ITGA2B: variants seen among roughly 807,000 people sequenced by gnomAD.
ITGA2B encodes the protein integrin alpha-IIb.
In ITGA2B, 91 loss-of-function variants were observed where a neutral mutation model predicts 142.0. The ratio of observed to expected loss-of-function variants is 0.64; its 90% CI spans 0.54 to 0.76. ITGA2B has a LOEUF of 0.76. Ranked by LOEUF, ITGA2B falls within the 30% of genes least tolerant of loss-of-function variation. The pLI is 0.00. For synonymous variants in ITGA2B, 536 were observed against 567.2 expected, an observed-to-expected ratio of 0.94 and a Z score of 0.78; for missense variants, 1,231 against 1,350.8, an observed-to-expected ratio of 0.91 and a Z score of 1.39.
chr17:44,380,342 T>C (rs575732580), intron 15 of ITGA2B, 41 bp from the exon 16 acceptor site: 12 of 1,614,218 alleles, frequency 7.4e-6, no homozygotes, highest in Middle Eastern at 1.6e-4. Context: ...GGAGCCTTTC[T>C]GAGGTCCCAG....
At chr17:44,389,173 C>T in intron 1 of ITGA2B, 113 bp downstream of exon 1, 1 of 1,218,842 alleles carries the variant, frequency 8.2e-7, no homozygotes, top group Non-Finnish European at 1.2e-6. Context: ...GAATAGGCCC[C>T]ACAAGTCACC....
rs769892750 is a variant in ITGA2B at position 44,376,143 on chromosome 17, C to T, written c.2390G>A (p.Gly797Asp). 3.1e-6 allele frequency: 5 copies of T among 1,614,196 alleles called. No homozygotes were observed. The Admixed American group carries it at 5.0e-5, about 16-fold the overall frequency. ...PASLVVAAEE[G>D]EREQNSLDSW... is the part of the protein sequence containing the mutation. ...GTCCAAGCTGTTCTGCTCCCTCTCA[C>T]CTTCTTCTGCTGCCACCACCAGGGA... Residue 797 changes from glycine (G) to aspartate (D), a missense_variant, in exon 24 of 30, where the codon GGT becomes GAT. Physicochemically the swap from Gly to Asp is moderately conservative, Grantham distance 94. This residue lies in a region of ITGA2B where 908 missense variants were observed against 1,021.1 expected (regional missense o/e 0.89). Transcript: ENST00000262407.
In ITGA2B at chr17:44,380,127, G is replaced by T. The variant is rs143967758; in HGVS notation, c.1627C>A (p.Arg543=). 52 of 1,613,786 alleles carry T rather than the reference G, an allele frequency of 3.2e-5. No individual in the cohort carries two copies. The Admixed American group carries it at 7.8e-4, about 24-fold the overall frequency. ...CGCCGGCCCTGGCGGGGCTTCTGCC[G>T]GTCCAGCTGCAGCTCGGCATTTAGG... ...LSLNAELQLD[R]QKPRQGRRVL... Residue 543 remains arginine (R), a synonymous_variant, in exon 17 of 30, where the codon CGG becomes AGG. Coordinates refer to ENST00000262407, the MANE Select transcript of ITGA2B (RefSeq NM_000419.5).
intron 1 of ITGA2B, among the ~76,000 whole-genome samples, chr17:44,387,261 G>A (rs553680638): frequency 1.3e-5 from 2 of 152,042 alleles, no homozygotes. Flanking sequence ...GGTGGCTCAC[G>A]CCTGTAATCC....
At chr17:44,383,761 G>A in intron 11 of ITGA2B, 57 bp from the exon 12 acceptor site, 2 of 1,549,504 alleles carry the variant, frequency 1.3e-6, no homozygotes, top group Admixed American at 1.9e-5. Context: ...TGGGGCTAGG[G>A]CCAAATCTCC....
chr17:44,381,273 TCTCA>T (rs2048595306), intron 12 of ITGA2B, among the ~76,000 whole-genome samples: 1 of 152,128 alleles, frequency 6.6e-6, no homozygotes, highest in Non-Finnish European at 1.5e-5. Context: ...CAGTGACAAC[TCTCA>T]CTGTCTATTG....
chr17:44,385,324 G>C lies in ITGA2B; in HGVS notation c.586C>G (p.Arg196Gly). The part of the protein sequence containing the change: ...YVENDFSWDK[R>G]YCEAGFSSVV... ...GAGCTGAAGCCCGCTTCACAGTAAC[G>C]CTTGTCCCAGCCTGCAGGAGACAAG... Residue 196 changes from arginine (R) to glycine (G), a missense_variant, in exon 5 of 30, where the codon CGT (arginine) becomes GGT (glycine). This residue lies in a region of ITGA2B where 318 missense variants were observed against 312.2 expected (regional missense o/e 1.02). Coordinates refer to ENST00000262407, the MANE Select transcript of ITGA2B (RefSeq NM_000419.5). 1 of 1,611,556 alleles carries C rather than the reference G, an allele frequency of 6.2e-7. No individual in the cohort carries two copies. Among genetic ancestry groups the C allele is most frequent in the East Asian group, 2.2e-5 (1 of 44,848 alleles).
In ITGA2B at chr17:44,385,329, T is replaced by C; in HGVS notation, c.581A>G (p.Asp194Gly). The C allele has an allele frequency of 6.2e-7, 1 of 1,611,142 alleles. No homozygotes were observed. Among genetic ancestry groups the C allele is most frequent in the Non-Finnish European group, 8.5e-7 (1 of 1,179,812 alleles). Residue 194 changes from aspartate (D) to glycine (G), a missense_variant, in exon 5 of 30, where the codon GAC (aspartate) becomes GGC (glycine). Asp to Gly is a moderately conservative substitution (Grantham distance 94, BLOSUM62 -1). Transcript: ENST00000262407. ...GAAGCCCGCTTCACAGTAACGCTTGTCCCAGCCTGCAGGAGACAAGGAGGA... is the reference window on the plus strand; with the variant it reads ...GAAGCCCGCTTCACAGTAACGCTTGCCCCAGCCTGCAGGAGACAAGGAGGA... ...RIYVENDFSW[D>G]KRYCEAGFSS...
intron 18 of ITGA2B, 88 bp from the exon 19 acceptor site, chr17:44,378,798 G>T: frequency 1.7e-6 from 2 of 1,161,404 alleles, no homozygotes; most frequent in South Asian, 1.3e-5. Context: ...GTGGGCTTGG[G>T]GTTCACATAG....
At chr17:44,378,296 G>A (rs2048562163) in intron 20 of ITGA2B, 66 bp downstream of exon 20, 6 of 1,552,416 alleles carry the variant, frequency 3.9e-6, no homozygotes, top group Non-Finnish European at 5.2e-6. Flanking sequence ...CAGGGAGGGA[G>A]ATGAGAGAGC....
chr17:44,378,734 C>T lies in ITGA2B; in HGVS notation c.1879-24G>A, dbSNP rs1051218767. The T allele has an allele frequency of 1.9e-5, 30 of 1,551,570 alleles. 1 individual carries two copies. Among genetic ancestry groups the T allele is most frequent in the Middle Eastern group, 3.3e-4 (2 of 6,016 alleles). ...GTCTAGAGGGGCACATTGGGGTGTGCGGGTAAGTTGGGGATGTGTGAGGTT... is the reference window on the plus strand; with the variant it reads ...GTCTAGAGGGGCACATTGGGGTGTGTGGGTAAGTTGGGGATGTGTGAGGTT... On this transcript the variant is annotated intron_variant, in intron 18 of 29. Transcript: ENST00000262407.
intron 22 of ITGA2B, among the ~76,000 whole-genome samples, 169 bp from the exon 23 acceptor site, chr17:44,376,557 C>T (rs1333744928): frequency 1.3e-5 from 2 of 151,994 alleles, no homozygotes; most frequent in Non-Finnish European, 1.5e-5. Context: ...AAGACTCAGA[C>T]ATAAATCTCT....
In ITGA2B at chr17:44,378,332, C is replaced by A. The variant is rs201256993; in HGVS notation, c.2094+30G>T. 1.9e-6 allele frequency: 3 copies of A among 1,598,858 alleles called. No homozygotes were observed. The East Asian group carries it at 6.7e-5, about 36-fold the overall frequency. ...CAAGGCTCCAGTGCCTCCCAGGTCC[C>A]GGGTACTGTTCCCAGGGTGGGGGCC... On this transcript the variant is annotated intron_variant, in intron 20 of 29. Coordinates refer to ENST00000262407, the MANE Select transcript of ITGA2B (RefSeq NM_000419.5).
At chr17:44,384,647 AAAG>A (rs772643503) in intron 7 of ITGA2B, 62 bp from the exon 8 acceptor site, 2 of 1,582,868 alleles carry the variant, frequency 1.3e-6, no homozygotes, top group Non-Finnish European at 1.7e-6. Flanking sequence ...GACGGAGGGC[AAAG>A]AAGGAGGAGA....
chr17:44,382,670 G>T (rs1299566287), intron 12 of ITGA2B, among the ~76,000 whole-genome samples: 1 of 152,076 alleles, frequency 6.6e-6, no homozygotes, highest in Non-Finnish European at 1.5e-5. Flanking sequence ...GAGCCACCAT[G>T]CCTGGCACCC....
At chr17:44,383,172 C>T (rs1207126071) in intron 12 of ITGA2B, among the ~76,000 whole-genome samples, 1 of 152,148 alleles carries the variant, frequency 6.6e-6, no homozygotes. Context: ...CCAACTCCAA[C>T]CTCTCCCCTG....
chr17:44,378,794 T>C (rs1352044571), intron 18 of ITGA2B, 84 bp from the exon 19 acceptor site: 2 of 1,294,344 alleles, frequency 1.5e-6, no homozygotes, highest in Non-Finnish European at 2.2e-6. Flanking sequence ...AACAGTGGGC[T>C]TGGGGTTCAC....
At chr17:44,384,385 T>C in intron 8 of ITGA2B, 31 bp from the exon 9 acceptor site, 7 of 1,613,396 alleles carry the variant, frequency 4.3e-6, no homozygotes, top group Admixed American at 1.7e-5. Context: ...GCTCAGGGAA[T>C]GAGAGCCTTA....
In ITGA2B at chr17:44,376,311, C is replaced by T. The variant is rs765883011; in HGVS notation, c.2345G>A (p.Arg782Gln). ...TTCTCCACCCCTGGCCTCTCACCCT[C>T]GCAGCTCCACTTGGGCCTCTGCCCG... ...PVRAEAQVEL[R>Q]GNSFPASLVV... Residue 782 changes from arginine to glutamine, a missense_variant, in exon 23 of 30, where the codon CGA (arginine) becomes CAA (glutamine). Physicochemically the swap from Arg to Gln is conservative, Grantham distance 43. Around this residue, in one of 3 missense-constraint regions of ITGA2B, gnomAD observed 908 missense variants for 1,021.1 expected, o/e 0.89. Coordinates refer to ENST00000262407, the MANE Select transcript of ITGA2B (RefSeq NM_000419.5). 7 of 1,614,082 alleles carry T rather than the reference C, an allele frequency of 4.3e-6. No homozygotes were observed. The highest frequency in any genetic ancestry group is 4.5e-5 in the East Asian group (2 of 44,890).
Sources: allele counts gnomAD v4.1 joint callset (sites outside exome capture counted in the v4.1 genomes callset), GRCh38; gene constraint gnomAD v4.1.1; regional missense constraint gnomAD v4.1.1; transcripts MANE v1.5; gene names NCBI Gene and HGNC (gene_info 2026-07-23, HGNC 2026-07-21).